The following PTPRR variants were observed in gnomAD, a reference collection of about 807,000 sequenced individuals.
The protein encoded by PTPRR is protein tyrosine phosphatase receptor type R, also known as receptor-type tyrosine-protein phosphatase R.
Under a neutral mutation model 77.2 loss-of-function variants are expected in PTPRR, and 38 were observed. The ratio of observed to expected loss-of-function variants is 0.49; its 90% CI spans 0.38 to 0.65. PTPRR has a LOEUF of 0.65. Among genes scored for constraint, PTPRR ranks in the 30% least tolerant of loss-of-function variants. The pLI, the probability that PTPRR is intolerant of heterozygous loss-of-function variation, is 0.00. For missense variants in PTPRR, 744 were observed against 799.2 expected (o/e 0.93, Z 0.83); for synonymous variants, 299 against 283.1 (o/e 1.06, Z -0.57).
At chr12:70,715,541 C>A (rs1201574985) in intron 6 of PTPRR, among the ~76,000 whole-genome samples, 1 of 152,116 alleles carries the variant, frequency 6.6e-6, no homozygotes, top group Non-Finnish European at 1.5e-5. Flanking sequence ...TCTATTTCAC[C>A]CCTACAGTCT....
chr12:70,791,303 C>T (rs1015292018), intron 2 of PTPRR, among the ~76,000 whole-genome samples: 6 of 152,146 alleles, frequency 3.9e-5, no homozygotes, highest in Admixed American at 2.0e-4. Flanking sequence ...ACCAAGCCCC[C>T]GCCAGCCTCA....
At chr12:70,831,868 T>G (rs895482291) in intron 2 of PTPRR, among the ~76,000 whole-genome samples, 3 of 152,194 alleles carry the variant, frequency 2.0e-5, no homozygotes, top group African/African-American at 7.2e-5. Context: ...AGCTTGCCGC[T>G]TGAACTGAGG....
intron 6 of PTPRR, among the ~76,000 whole-genome samples, chr12:70,737,670 C>T (rs908605353): frequency 6.6e-5 from 10 of 152,182 alleles, no homozygotes; most frequent in African/African-American, 2.4e-4. Flanking sequence ...CAGGTAAACA[C>T]CACCATGCCT....
At chr12:70,640,396 C>A (rs1440358267) in intron 13 of PTPRR, among the ~76,000 whole-genome samples, 1 of 152,072 alleles carries the variant, frequency 6.6e-6, no homozygotes, top group Non-Finnish European at 1.5e-5. Context: ...GGCTGGTCTC[C>A]TGGACTCAAG....
chr12:70,670,748 G>A (rs1887193367), intron 10 of PTPRR, among the ~76,000 whole-genome samples: 1 of 152,160 alleles, frequency 6.6e-6, no homozygotes, highest in Non-Finnish European at 1.5e-5. Context: ...ATAGGTTTAA[G>A]CCACTATGTC....
At position 70,804,278 on chromosome 12, in the gene PTPRR, G is replaced by A. The variant is rs558548136; in HGVS notation, c.358-39500C>T. ...TTTACCATTTGAAGACCTCTGGGCC[G>A]GGTGCAGTGGCTCACTCCTGTGATC... On this transcript the variant is annotated intron_variant, in intron 2 of 13. Transcript: ENST00000283228. Among the ~76,000 whole-genome samples, 10 of 151,868 alleles carry A rather than the reference G, an allele frequency of 6.6e-5. No individual in the cohort carries two copies. In the South Asian group the frequency reaches 1.7e-3, roughly 25 times the overall value.
intron 2 of PTPRR, among the ~76,000 whole-genome samples, chr12:70,876,185 T>C (rs918547408): frequency 6.9e-6 from 1 of 145,632 alleles, no homozygotes; most frequent in Non-Finnish European, 1.5e-5. Context: ...TATATGTAAA[T>C]GGAAAAGGAA....
chr12:70,725,278 T>G (rs7302730), intron 6 of PTPRR, among the ~76,000 whole-genome samples: 4,022 of 152,282 alleles, frequency 0.026, 174 homozygotes, highest in African/African-American at 0.09. Flanking sequence ...AGAAGAAATA[T>G]TTTTGATAAG....
At chr12:70,868,357 C>A in intron 2 of PTPRR, among the ~76,000 whole-genome samples, 1 of 84,228 alleles carries the variant, frequency 1.2e-5, no homozygotes. Flanking sequence ...AAAAAACAAC[C>A]CCATCAAAAA....
intron 2 of PTPRR, among the ~76,000 whole-genome samples, chr12:70,766,808 C>A (rs1357842320): frequency 6.6e-6 from 1 of 152,046 alleles, no homozygotes; most frequent in African/African-American, 2.4e-5. Context: ...AGACTAACAG[C>A]GGATCTCTCA....
intron 2 of PTPRR, among the ~76,000 whole-genome samples, chr12:70,789,232 C>T (rs201840366): frequency 6.6e-6 from 1 of 151,844 alleles, no homozygotes; most frequent in Non-Finnish European, 1.5e-5. Context: ...GCATGTTGTG[C>T]ACATGTACCC....
chr12:70,909,030 G>A (rs999531809), intron 1 of PTPRR, among the ~76,000 whole-genome samples: 1 of 152,182 alleles, frequency 6.6e-6, no homozygotes, highest in African/African-American at 2.4e-5. Context: ...TTGAAGCTCA[G>A]ATTAGAAACA....
At chr12:70,911,017 C>T (rs776402649) in intron 1 of PTPRR, among the ~76,000 whole-genome samples, 43 of 152,182 alleles carry the variant, frequency 2.8e-4, no homozygotes, top group African/African-American at 7.2e-4. Context: ...AAATCAGCAG[C>T]GAGAAGAGTC....
At chr12:70,855,381 A>C (rs1411406928) in intron 2 of PTPRR, among the ~76,000 whole-genome samples, 1 of 152,194 alleles carries the variant, frequency 6.6e-6, no homozygotes, top group African/African-American at 2.4e-5. Flanking sequence ...CAGCTAGGGC[A>C]GCAGGGAAGC....
chr12:70,916,662 A>G (rs1175727286), intron 1 of PTPRR, among the ~76,000 whole-genome samples: 1 of 151,944 alleles, frequency 6.6e-6, no homozygotes, highest in Non-Finnish European at 1.5e-5. Flanking sequence ...GGAACATCTT[A>G]AAATCTTAAA....
Position 70,651,180 on chromosome 12 carries a change from C to T in PTPRR, c.1880+5524G>A, listed in dbSNP as rs554689686. On this transcript the variant is annotated intron_variant, in intron 13 of 13. Coordinates refer to ENST00000283228, the MANE Select transcript of PTPRR (RefSeq NM_002849.4). ...GACCTCGCCATGGCGTGTCCAGCAT[C>T]GGAAGCCCTCTTCAATTTCCCTTCA... 5.3e-5 allele frequency among the ~76,000 whole-genome samples: 8 copies of T among 152,298 alleles called. No homozygotes were observed. The South Asian group carries it at 6.2e-4, about 12-fold the overall frequency.
chr12:70,818,880 C>T (rs1891955414), intron 2 of PTPRR, among the ~76,000 whole-genome samples: 1 of 152,028 alleles, frequency 6.6e-6, no homozygotes, highest in Non-Finnish European at 1.5e-5. Context: ...TTTGTCTTTT[C>T]TCTACTTTTG....
At chr12:70,718,369 G>A (rs1889113975) in intron 6 of PTPRR, among the ~76,000 whole-genome samples, 2 of 151,972 alleles carry the variant, frequency 1.3e-5, no homozygotes, top group Admixed American at 6.6e-5. Flanking sequence ...GGGTTCAAGC[G>A]ATTCTCCTGC....
chr12:70,910,884 G>T (rs937052951), intron 1 of PTPRR, among the ~76,000 whole-genome samples: 1 of 152,154 alleles, frequency 6.6e-6, no homozygotes. Flanking sequence ...TGTGTCTCTG[G>T]ATTTGCATAG....
Sources: allele counts gnomAD v4.1 joint callset (sites outside exome capture counted in the v4.1 genomes callset), GRCh38; gene constraint gnomAD v4.1.1; transcripts MANE v1.5; gene names NCBI Gene and HGNC (gene_info 2026-07-23, HGNC 2026-07-21).